TNFRSF19: variants seen among roughly 807,000 people sequenced by gnomAD.
TNFRSF19 encodes TNF receptor superfamily member 19.
In TNFRSF19, 27 loss-of-function variants were observed where a neutral mutation model predicts 46.4. That is an observed-to-expected ratio of 0.58 (90% confidence interval 0.43 to 0.80). The LOEUF (loss-of-function observed/expected upper bound fraction) is 0.80, where lower values mean the gene tolerates loss of function less well. Ranked by LOEUF, TNFRSF19 falls within the 30% of genes least tolerant of loss-of-function variation. The probability of loss-of-function intolerance (pLI) is 0.00; values close to 1 mark genes in which losing one functional copy is unlikely to be tolerated. For missense variants in TNFRSF19, 511 were observed against 530.8 expected (o/e 0.96, Z 0.37); for synonymous variants, 204 against 205.0 (o/e 1.00, Z 0.04).
chr13:23,673,484 G>A lies in TNFRSF19; in HGVS notation c.*104G>A, dbSNP rs752586475. 11 of 1,417,042 alleles carry A rather than the reference G, an allele frequency of 7.8e-6. No individual in the cohort carries two copies. The highest frequency in any genetic ancestry group is 7.3e-5 in the African/African-American group (5 of 68,564). 87.8% of individuals were successfully genotyped at this position (1,417,042 alleles called of 1,614,324 possible). A position where few individuals can be genotyped will look rare whatever the true frequency, so the allele number is the denominator to read the frequency against. The stretch of plus-strand genomic sequence containing the variant: ...GTCTGGACCTTGCATGGCTTCTGGG[G>A]CAAAAATAAATCTGAACCAAACTGA... On this transcript the variant is annotated 3_prime_UTR_variant, in exon 10 of 10. Transcript: ENST00000248484.
chr13:23,670,139 T>G (rs1200150796), intron 9 of TNFRSF19, among the ~76,000 whole-genome samples: 1 of 152,230 alleles, frequency 6.6e-6, no homozygotes, highest in Non-Finnish European at 1.5e-5. Context: ...ATATGTTCCT[T>G]TTAAGATCAG....
intron 5 of TNFRSF19, among the ~76,000 whole-genome samples, chr13:23,631,177 G>A (rs958045004): frequency 2.0e-5 from 3 of 152,176 alleles, no homozygotes; most frequent in South Asian, 4.1e-4. Context: ...ACTTTGAGAC[G>A]TATTTGCTCA....
At chr13:23,585,357 T>C in intron 1 of TNFRSF19, 1 of 152,198 alleles carries the variant, frequency 6.6e-6, no homozygotes, top group African/African-American at 2.4e-5. Context: ...AGCACATATG[T>C]TTTCGTCATT....
chr13:23,665,662 C>G (rs1452789922), intron 7 of TNFRSF19, among the ~76,000 whole-genome samples: 1 of 152,064 alleles, frequency 6.6e-6, no homozygotes, highest in Non-Finnish European at 1.5e-5. Flanking sequence ...GTTTTAAATT[C>G]AGTTGCAAAT....
rs112644557 is a variant in TNFRSF19, at chr13:23,611,126, G to GCGCA, written c.181-4740_181-4739insGCAC. ...CCTCACCAGACACACACACACATGT[G>GCGCA]CACACACACACACACACACACACAC... On this transcript the variant is annotated intron_variant, in intron 3 of 9. Coordinates refer to ENST00000248484, the MANE Select transcript of TNFRSF19 (RefSeq NM_148957.4). 2.0e-3 allele frequency among the ~76,000 whole-genome samples: 296 copies of GCGCA among 147,766 alleles called. 2 individuals are homozygous for GCGCA. Among genetic ancestry groups the GCGCA allele is most frequent in the African/African-American group, 7.0e-3 (281 of 40,206 alleles).
intron 3 of TNFRSF19, among the ~76,000 whole-genome samples, chr13:23,607,260 C>T (rs540716019): frequency 1.3e-4 from 20 of 152,160 alleles, no homozygotes; most frequent in African/African-American, 3.4e-4. Flanking sequence ...ATGGTGAAAC[C>T]CCATCTGTAC....
chr13:23,634,534 C>T (rs1007290833), intron 5 of TNFRSF19, among the ~76,000 whole-genome samples: 1 of 152,210 alleles, frequency 6.6e-6, no homozygotes, highest in Admixed American at 6.5e-5. Context: ...TTTCATTAAG[C>T]TGTGGACTTA....
chr13:23,660,396 C>T lies in TNFRSF19; in HGVS notation c.642C>T (p.Asn214=), dbSNP rs751482871. Residue 214 remains asparagine, a synonymous_variant, in exon 7 of 10, where the codon AAC becomes AAT. Transcript: ENST00000248484. ...WSLRSQDIQY[N]GSELSCFDRP... Reference sequence around the variant, plus strand: ...TGCGGTCACAGGACATTCAGTACAACGGCTCTGAGCTGTCGTGTTTTGACA... The same window carrying T: ...TGCGGTCACAGGACATTCAGTACAATGGCTCTGAGCTGTCGTGTTTTGACA... 2.3e-5 allele frequency: 37 copies of T among 1,613,818 alleles called. No homozygotes were observed. The highest frequency in any genetic ancestry group is 1.7e-4 in the Middle Eastern group (1 of 5,938).
At position 23,669,237 on chromosome 13, in the gene TNFRSF19, G is replaced by A. The variant is rs1193043363; in HGVS notation, c.1245+140G>A. 3 of 1,405,352 alleles carry A rather than the reference G, an allele frequency of 2.1e-6. No individual in the cohort carries two copies. In the Admixed American group the frequency reaches 9.6e-5, roughly 45 times the overall value. 87.1% of individuals were successfully genotyped at this position (1,405,352 alleles called of 1,614,324 possible). ...TAATTTCTTGTATGTTGTAGAGTAT[G>A]TTTTAAAATAAATTTCAAGTATTTT... On this transcript the variant is annotated intron_variant, in intron 9 of 9. Coordinates refer to ENST00000248484, the MANE Select transcript of TNFRSF19 (RefSeq NM_148957.4).
Position 23,615,961 on chromosome 13 carries a change from G to C in TNFRSF19, c.275G>C (p.Cys92Ser). 6.2e-7 allele frequency: 1 copy of C among 1,614,062 alleles called. No individual in the cohort carries two copies. The highest frequency in any genetic ancestry group is 1.1e-5 in the South Asian group (1 of 91,062). ...TGGGGCTTCCAGAAATGCAAGCCCT[G>C]TCTGGACTGCGCAGTGGTGAACCGC... is the stretch of plus-strand genomic sequence containing the variant. ...EDWGFQKCKP[C>S]LDCAVVNRFQ... is the part of the protein sequence containing the mutation. The change falls in exon 4 of 10, where the codon TGT (cysteine) becomes TCT (serine). Residue 92 changes from cysteine to serine, a missense_variant. By Grantham distance (112) the Cys-to-Ser change is moderately radical. Coordinates refer to ENST00000248484, the MANE Select transcript of TNFRSF19 (RefSeq NM_148957.4).
chr13:23,649,919 T>C (rs984474798), intron 5 of TNFRSF19, among the ~76,000 whole-genome samples: 2 of 152,224 alleles, frequency 1.3e-5, no homozygotes, highest in African/African-American at 4.8e-5. Flanking sequence ...AAAGCTACTT[T>C]GTATGATTTC....
intron 9 of TNFRSF19, chr13:23,669,666 T>C: frequency 1.0e-6 from 1 of 985,240 alleles, no homozygotes; most frequent in South Asian, 4.7e-5. Context: ...TCAGGTGGAA[T>C]GGTTTAAGAT....
intron 3 of TNFRSF19, among the ~76,000 whole-genome samples, chr13:23,606,631 T>A (rs56050708): frequency 0.014 from 2,153 of 152,344 alleles, 18 homozygotes; most frequent in Non-Finnish European, 0.021. Flanking sequence ...AATCTGGTAA[T>A]ATAAAAATGA....
intron 6 of TNFRSF19, 27 bp from the exon 7 acceptor site, chr13:23,660,338 C>T: frequency 6.2e-7 from 1 of 1,605,272 alleles, no homozygotes; most frequent in South Asian, 1.1e-5. Flanking sequence ...ACTGTGTTCC[C>T]TGACAGAGTT....
At chr13:23,591,375 C>T (rs1879275333) in intron 2 of TNFRSF19, among the ~76,000 whole-genome samples, 1 of 152,128 alleles carries the variant, frequency 6.6e-6, no homozygotes, top group Non-Finnish European at 1.5e-5. Context: ...ATCGCTTGAA[C>T]ATGGGAGGCG....
chr13:23,588,752 C>T (rs1730810533), intron 1 of TNFRSF19, among the ~76,000 whole-genome samples: 1 of 152,184 alleles, frequency 6.6e-6, no homozygotes, highest in African/African-American at 2.4e-5. Context: ...CAGTAAGTTG[C>T]ATGGTTGAGT....
At chr13:23,669,529 T>C (rs1951719274) in intron 9 of TNFRSF19, 1 of 985,378 alleles carries the variant, frequency 1.0e-6, no homozygotes, top group Non-Finnish European at 1.2e-6. Context: ...TTTGGTCTCC[T>C]AAAGCTGCTC....
intron 3 of TNFRSF19, among the ~76,000 whole-genome samples, chr13:23,613,543 CTCCTTCTTCTTT>C (rs1881046394): frequency 1.3e-5 from 2 of 152,142 alleles, no homozygotes; most frequent in African/African-American, 2.4e-5. Flanking sequence ...TGTACTTCTC[CTCCTTCTTCTTT>C]TCCTTTGTTG....
chr13:23,611,657 T>A lies in TNFRSF19; in HGVS notation c.181-4210T>A, dbSNP rs913177717. Among the ~76,000 whole-genome samples, 4 of 152,224 alleles carry A rather than the reference T, an allele frequency of 2.6e-5. No individual in the cohort carries two copies. In the East Asian group the frequency reaches 7.7e-4, roughly 29 times the overall value. On this transcript the variant is annotated intron_variant, in intron 3 of 9. Coordinates refer to ENST00000248484, the MANE Select transcript of TNFRSF19 (RefSeq NM_148957.4). ...ATAGCTCATTTCATTATTTATTTGCTTACTTGTCTGCCTGCAGCAGGAAAT... is the reference window on the plus strand; with the variant it reads ...ATAGCTCATTTCATTATTTATTTGCATACTTGTCTGCCTGCAGCAGGAAAT...
Sources: gnomAD v4.1 joint callset for allele counts (sites outside exome capture counted in the v4.1 genomes callset) on GRCh38, gnomAD v4.1.1 for gene constraint, MANE v1.5 for transcripts, NCBI Gene and HGNC (gene_info 2026-07-23, HGNC 2026-07-21) for gene names.